The following SNX32 variants were observed in gnomAD, a reference collection of about 807,000 sequenced individuals.
SNX32 encodes the protein sorting nexin 32, also known as sorting nexin-32.
Under a neutral mutation model 57.0 loss-of-function variants are expected in SNX32, and 58 were observed. The observed-to-expected ratio is 1.02, with a 90% CI of 0.82 to 1.27. The LOEUF is 1.27. Among genes scored for constraint, SNX32 ranks in the 50% most tolerant of loss-of-function variants. SNX32 has a pLI of 0.00. For synonymous variants in SNX32, 262 were observed against 220.4 expected, an observed-to-expected ratio of 1.19 and a Z score of -1.67; for missense variants, 589 against 541.2, an observed-to-expected ratio of 1.09 and a Z score of -0.88.
chr11:65,851,474 T>C, intron 8 of SNX32, 71 bp downstream of exon 8: 3 of 1,564,350 alleles, frequency 1.9e-6, no homozygotes, highest in Non-Finnish European at 1.8e-6. Flanking sequence ...GGGGTCACTC[T>C]GTAGATGTCT....
intron 1 of SNX32, among the ~76,000 whole-genome samples, chr11:65,848,761 TTGAAGCCCTGG>T (rs1859073051): frequency 6.6e-6 from 1 of 152,124 alleles, no homozygotes; most frequent in South Asian, 2.1e-4. Flanking sequence ...TCCAACTCAC[TTGAAGCCCTGG>T]TTAAGGGATG....
chr11:65,852,721 G>A lies in SNX32; in HGVS notation c.1004G>A (p.Arg335Gln), dbSNP rs1289568996. The stretch of plus-strand genomic sequence containing the variant: ...GCGCGCACCAGGAACCGGGAGGTGC[G>A]GCCCGCCGAGAGCCACCAGCAGCTG... ...DKARTRNREV[R>Q]PAESHQQLCC... The change falls in exon 11 of 13, where the codon CGG (arginine) becomes CAG (glutamine). Residue 335 changes from arginine (R) to glutamine (Q), a missense_variant. By Grantham distance (43) the Arg-to-Gln change is conservative (BLOSUM62 1). Transcript: ENST00000308342. 2.7e-5 allele frequency: 44 copies of A among 1,600,944 alleles called. No homozygotes were observed. The Admixed American group carries it at 3.4e-4, about 12-fold the overall frequency.
Position 65,852,672 on chromosome 11 carries a change from A to G in SNX32, c.955A>G (p.Asn319Asp). ...GCTGCGGGCACTGGCCGACTACGAG[A>G]ATGCCAACAAGGCGCTGGACAAGGC... Reference protein sequence around the residue: ...RRLRALADYENANKALDKART... With the variant: ...RRLRALADYEDANKALDKART... Residue 319 changes from asparagine (N) to aspartate (D), a missense_variant, in exon 11 of 13, where the codon AAT becomes GAT. Coordinates refer to ENST00000308342, the MANE Select transcript of SNX32 (RefSeq NM_152760.3). 6.3e-7 allele frequency: 1 copy of G among 1,598,724 alleles called. No homozygotes were observed. Among genetic ancestry groups the G allele is most frequent in the Middle Eastern group, 1.7e-4 (1 of 6,048 alleles).
intron 1 of SNX32, among the ~76,000 whole-genome samples, chr11:65,847,306 T>A (rs1029245037): frequency 1.9e-4 from 29 of 151,670 alleles, no homozygotes; most frequent in Middle Eastern, 3.4e-3. Context: ...ACAGCACTTT[T>A]AAAAAAAAAT....
intron 1 of SNX32, among the ~76,000 whole-genome samples, chr11:65,839,223 G>GGTTTTTTTTTTTTTTTT (rs1858755017): frequency 4.3e-5 from 1 of 23,078 alleles, no homozygotes; most frequent in African/African-American, 2.0e-4. Flanking sequence ...TAATTTTTTT[G>GGTTTTTTTTTTTTTTTT]TATTTTTTTT....
At position 65,852,820 on chromosome 11, in the gene SNX32, G is replaced by A. The variant is rs761490442; in HGVS notation, c.1072+31G>A. 8 of 1,611,688 alleles carry A rather than the reference G, an allele frequency of 5.0e-6. No homozygotes were observed. In the Admixed American group the frequency reaches 8.3e-5, roughly 17 times the overall value. On this transcript the variant is annotated intron_variant, in intron 11 of 12. Transcript: ENST00000308342. ...CCCGCAGCCCCCAGCCCCAGCCTGG[G>A]GCCACATGCCCTGCCCTGCCCGGAT...
chr11:65,853,068 C>T (rs1389006325), intron 12 of SNX32, 110 bp downstream of exon 12: 18 of 1,311,278 alleles, frequency 1.4e-5, no homozygotes, highest in African/African-American at 5.8e-5. Flanking sequence ...CGCATGTATG[C>T]GCGTGTGTGT....
rs763688877 is a variant in SNX32 at position 65,849,601 on chromosome 11, C to A, written c.141+19C>A. ...AACAAAGGTGAGGCAGTGCGGGGCA[C>A]GAGGAAAGGTCCTGGTGGCTGCCCG... is the stretch of plus-strand genomic sequence containing the variant. On this transcript the variant is annotated intron_variant, in intron 2 of 12. Coordinates refer to ENST00000308342, the MANE Select transcript of SNX32 (RefSeq NM_152760.3). 1.2e-6 allele frequency: 2 copies of A among 1,606,452 alleles called. No individual in the cohort carries two copies. The highest frequency in any genetic ancestry group is 2.2e-5 in the South Asian group (2 of 90,884).
chr11:65,852,446 G>A lies in SNX32; in HGVS notation c.826-19G>A, dbSNP rs1270499707. On this transcript the variant is annotated intron_variant, in intron 9 of 12. Transcript: ENST00000308342. Reference sequence around the variant, plus strand: ...CCCTCTGACAAGCTCCCTTCCCAGTGCCCACCTTTCTGATGCAGAAGCTGG... The same window carrying A: ...CCCTCTGACAAGCTCCCTTCCCAGTACCCACCTTTCTGATGCAGAAGCTGG... The A allele has an allele frequency of 2.5e-6, 4 of 1,612,178 alleles. No individual in the cohort carries two copies. Among genetic ancestry groups the A allele is most frequent in the Non-Finnish European group, 3.4e-6 (4 of 1,178,370 alleles).
At position 65,852,663 on chromosome 11, in the gene SNX32, G is replaced by C. The variant is rs200733417; in HGVS notation, c.946G>C (p.Asp316His). The C allele has an allele frequency of 2.5e-6, 4 of 1,599,442 alleles. No homozygotes were observed. Among genetic ancestry groups the C allele is most frequent in the Non-Finnish European group, 3.4e-6 (4 of 1,175,200 alleles). ...LLYRRLRALADYENANKALDK... is the reference protein window; with the variant it reads ...LLYRRLRALAHYENANKALDK... ...GTACCGGCGGCTGCGGGCACTGGCCGACTACGAGAATGCCAACAAGGCGCT... is the reference window on the plus strand; with the variant it reads ...GTACCGGCGGCTGCGGGCACTGGCCCACTACGAGAATGCCAACAAGGCGCT... Residue 316 changes from aspartate (D) to histidine (H), a missense_variant, in exon 11 of 13, where the codon GAC becomes CAC. Coordinates refer to ENST00000308342, the MANE Select transcript of SNX32 (RefSeq NM_152760.3).
chr11:65,839,115 C>G (rs147154953), intron 1 of SNX32, among the ~76,000 whole-genome samples: 1 of 150,880 alleles, frequency 6.6e-6, no homozygotes, highest in South Asian at 2.1e-4. Flanking sequence ...GTGGCATAAT[C>G]TCAGCTCACT....
At chr11:65,834,173 G>T in intron 1 of SNX32, 72 bp downstream of exon 1, 1 of 1,449,464 alleles carries the variant, frequency 6.9e-7, no homozygotes, top group South Asian at 1.2e-5. Context: ...CCAATCATGC[G>T]GTGGTGTGTG....
intron 1 of SNX32, among the ~76,000 whole-genome samples, chr11:65,848,849 GAA>G (rs1859074934): frequency 1.3e-5 from 2 of 152,220 alleles, no homozygotes; most frequent in Admixed American, 1.3e-4. Flanking sequence ...TGGGAATTAA[GAA>G]ACTGGGTTTT....
intron 9 of SNX32, 127 bp from the exon 10 acceptor site, chr11:65,852,338 A>G: frequency 1.2e-6 from 1 of 833,136 alleles, no homozygotes; most frequent in Non-Finnish European, 2.0e-6. Context: ...GCACCCCTCA[A>G]CACCAGACCT....
intron 1 of SNX32, among the ~76,000 whole-genome samples, chr11:65,841,632 G>A (rs1233257523): frequency 9.2e-5 from 14 of 151,974 alleles, no homozygotes. Flanking sequence ...TGCTTGGGGG[G>A]CTGAGGCAGG....
chr11:65,852,885 T>TC lies in SNX32; in HGVS notation c.1086dup (p.Lys363GlnfsTer14). The TC allele has an allele frequency of 1.2e-6, 2 of 1,614,090 alleles. No individual in the cohort carries two copies. The highest frequency in any genetic ancestry group is 1.7e-6 in the Non-Finnish European group (2 of 1,179,994). ...CCCTCCTCTCCAGAGCTCATGGACT[T>TC]CAAGTCCCGCCGGGTCTCCTCTTTT... On this transcript the variant is annotated frameshift_variant, in exon 12 of 13. Transcript: ENST00000308342. LOFTEE classifies it high-confidence loss of function.
At chr11:65,849,858 CAGACTTGCTG>C in intron 2 of SNX32, 52 bp from the exon 3 acceptor site, 3 of 1,394,814 alleles carry the variant, frequency 2.2e-6, no homozygotes, top group Non-Finnish European at 2.9e-6. Flanking sequence ...AGTGCATGCC[CAGACTTGCTG>C]AGGCAGGGCT....
Position 65,851,119 on chromosome 11 carries a change from A to T in SNX32, c.668A>T (p.Asp223Val). The change falls in exon 7 of 13, where the codon GAT becomes GTT. Residue 223 changes from aspartate to valine, a missense_variant. Physicochemically the swap from Asp to Val is radical, Grantham distance 152 (BLOSUM62 -3). Transcript: ENST00000308342. Reference protein sequence around the residue: ...FLLEYHTRIRDACLRADRVMR... With the variant: ...FLLEYHTRIRVACLRADRVMR... ...TTGGAGTATCACACCCGTATCCGAG[A>T]TGCCTGCCTGCGGGCCGACCGCGTC... 6.2e-7 allele frequency: 1 copy of T among 1,613,638 alleles called. No homozygotes were observed. Among genetic ancestry groups the T allele is most frequent in the Non-Finnish European group, 8.5e-7 (1 of 1,180,004 alleles).
Position 65,850,442 on chromosome 11 carries a change from C to A in SNX32, c.386C>A (p.Ala129Asp). 1 of 1,614,188 alleles carries A rather than the reference C, an allele frequency of 6.2e-7. No individual in the cohort carries two copies. Among genetic ancestry groups the A allele is most frequent in the Non-Finnish European group, 8.5e-7 (1 of 1,180,020 alleles). ...TGCCACTCTCGCAGGGAGTACCTGGCCATCTTTAAGAAGACAGTTGCGATG... is the reference window on the plus strand; with the variant it reads ...TGCCACTCTCGCAGGGAGTACCTGGACATCTTTAAGAAGACAGTTGCGATG... ...MKQELEAEYL[A>D]IFKKTVAMHE... The change falls in exon 5 of 13, where the codon GCC becomes GAC. Residue 129 changes from alanine to aspartate, a missense_variant. By Grantham distance (126) the Ala-to-Asp change is moderately radical. Transcript: ENST00000308342.
Sources: gnomAD v4.1 joint callset for allele counts (sites outside exome capture counted in the v4.1 genomes callset) on GRCh38, gnomAD v4.1.1 for gene constraint, MANE v1.5 for transcripts, NCBI Gene and HGNC (gene_info 2026-07-23, HGNC 2026-07-21) for gene names.